The following PAK3 variants were observed in gnomAD, a reference collection of about 807,000 sequenced individuals.
PAK3 encodes p21 (RAC1) activated kinase 3.
PAK3 carries 4 observed loss-of-function variants against 41.0 expected under a neutral mutation model. The observed-to-expected ratio is 0.10, with a 90% CI of 0.05 to 0.22. The LOEUF is 0.22. Among genes scored for constraint, PAK3 ranks in the 10% least tolerant of loss-of-function variants. The probability of loss-of-function intolerance (pLI) is 1.00; values close to 1 mark genes in which losing one functional copy is unlikely to be tolerated. For missense variants in PAK3, 205 were observed against 409.9 expected, an observed-to-expected ratio of 0.50 and a Z score of 4.32; for synonymous variants, 146 against 139.6, an observed-to-expected ratio of 1.05 and a Z score of -0.32.
At chrX:111,126,039 G>A (rs1463010756) in intron 5 of PAK3, among the ~76,000 whole-genome samples, 1 of 111,235 alleles carries the variant, frequency 9.0e-6, no homozygotes, top group Non-Finnish European at 1.9e-5. Flanking sequence ...TATAACTTCA[G>A]GATTCGACTT....
chrX:111,042,979 A>G (rs938308680), intron 1 of PAK3, among the ~76,000 whole-genome samples: 1 of 112,048 alleles, frequency 8.9e-6, no homozygotes, highest in African/African-American at 3.3e-5. Flanking sequence ...AGTAGAGATT[A>G]GTAAACATTC....
intron 1 of PAK3, among the ~76,000 whole-genome samples, chrX:110,966,953 A>G (rs2091094293): frequency 8.9e-6 from 1 of 112,286 alleles, no homozygotes; most frequent in South Asian, 3.8e-4. Context: ...GCCCTGTACT[A>G]GACAGAAATG....
upstream of PAK3, among the ~76,000 whole-genome samples, chrX:111,094,768 A>C (rs2092959362): frequency 1.0e-5 from 1 of 99,353 alleles, no homozygotes; most frequent in Non-Finnish European, 2.0e-5. Flanking sequence ...GGCTCACTGC[A>C]ACCTCCACCT....
chrX:111,191,953 C>CTG (rs897849806), intron 11 of PAK3, among the ~76,000 whole-genome samples, 174 bp from the exon 12 acceptor site: 2 of 109,768 alleles, frequency 1.8e-5, no homozygotes, highest in Non-Finnish European at 3.8e-5. Context: ...GGTAGATCGC[C>CTG]TGTGTTTTTT....
At chrX:111,028,758 G>A (rs1398404776) in intron 1 of PAK3, among the ~76,000 whole-genome samples, 1 of 111,857 alleles carries the variant, frequency 8.9e-6, no homozygotes, top group Admixed American at 9.5e-5. Flanking sequence ...CTGTGGGGAA[G>A]CTACTGTTAT....
intron 1 of PAK3, among the ~76,000 whole-genome samples, chrX:110,975,547 T>C (rs1387427147): frequency 8.9e-6 from 1 of 111,982 alleles, no homozygotes; most frequent in Non-Finnish European, 1.9e-5. Context: ...AAGTAATTTA[T>C]AGATTCAATG....
intron 16 of PAK3, among the ~76,000 whole-genome samples, chrX:111,199,501 G>T (rs767928659): frequency 3.6e-5 from 4 of 111,152 alleles, no homozygotes; most frequent in African/African-American, 1.3e-4. Context: ...ATGGTTAAAT[G>T]ATCAATCTAA....
chrX:110,971,229 C>T (rs764966272), intron 1 of PAK3, among the ~76,000 whole-genome samples: 121 of 112,133 alleles, frequency 1.1e-3, no homozygotes, highest in Middle Eastern at 4.6e-3. Flanking sequence ...TACCCCTTAG[C>T]TGTCACCACC....
chrX:111,115,887 A>C (rs2093455344), intron 4 of PAK3, among the ~76,000 whole-genome samples: 1 of 111,491 alleles, frequency 9.0e-6, no homozygotes, highest in Admixed American at 9.5e-5. Flanking sequence ...GAAATTGGGA[A>C]TAGAGCAAGG....
At chrX:110,997,927 G>A (rs1326049287) in intron 1 of PAK3, among the ~76,000 whole-genome samples, 2 of 111,160 alleles carry the variant, frequency 1.8e-5, no homozygotes, top group Non-Finnish European at 3.8e-5. Context: ...GAGAAAGCGG[G>A]CCCTCACCAG....
intron 5 of PAK3, among the ~76,000 whole-genome samples, chrX:111,124,136 G>A (rs1007403743): frequency 8.9e-6 from 1 of 111,777 alleles, no homozygotes; most frequent in African/African-American, 3.3e-5. Flanking sequence ...CACTTATATA[G>A]TGTTAATCAA....
intron 8 of PAK3, among the ~76,000 whole-genome samples, chrX:111,155,661 A>G (rs1603310675): frequency 1.8e-5 from 2 of 111,383 alleles, no homozygotes; most frequent in East Asian, 5.6e-4. Flanking sequence ...GGTACCAAAT[A>G]GATACTTGGT....
intron 1 of PAK3, among the ~76,000 whole-genome samples, chrX:110,965,345 A>G (rs773697355): frequency 1.3e-4 from 15 of 112,096 alleles, no homozygotes; most frequent in Non-Finnish European, 2.6e-4. Flanking sequence ...CTCCAAACCT[A>G]TTGAGATCTC....
Position 110,970,192 on chromosome X carries a change from C to T in PAK3, c.-28+25564C>T, listed in dbSNP as rs747485668. Among the ~76,000 whole-genome samples the T allele has an allele frequency of 3.6e-5, 4 of 112,151 alleles. No homozygotes were observed. In the East Asian group the frequency reaches 8.4e-4, roughly 24 times the overall value. On this transcript the variant is annotated intron_variant, in intron 1 of 14. Transcript: ENST00000425146. ...CTTTTTTTCAGATGTTTGTTGGCCA[C>T]ATAAATATCTTCCTTTGAGAAGTGT...
intron 1 of PAK3, among the ~76,000 whole-genome samples, chrX:111,012,999 G>C (rs1259830554): frequency 9.0e-6 from 1 of 111,301 alleles, no homozygotes; most frequent in Non-Finnish European, 1.9e-5. Flanking sequence ...TCCCAGGTTG[G>C]GCCGAAGCAA....
intron 1 of PAK3, among the ~76,000 whole-genome samples, chrX:111,073,831 G>T (rs1431737018): frequency 8.9e-6 from 1 of 111,844 alleles, no homozygotes; most frequent in Admixed American, 9.5e-5. Flanking sequence ...TAAGAAGAGG[G>T]AATACTTCCA....
chrX:111,081,779 AGAT>A (rs1410193881), intron 1 of PAK3, among the ~76,000 whole-genome samples: 5 of 111,218 alleles, frequency 4.5e-5, no homozygotes, highest in African/African-American at 1.3e-4. Context: ...TTTTCCTGAC[AGAT>A]GATAGACATT....
chrX:111,141,596 A>G (rs1203534643), intron 5 of PAK3, among the ~76,000 whole-genome samples: 1 of 112,416 alleles, frequency 8.9e-6, no homozygotes, highest in Non-Finnish European at 1.9e-5. Context: ...GAGTCTATTA[A>G]GATATGGTTA....
chrX:111,058,853 G>C (rs1042340084), intron 1 of PAK3, among the ~76,000 whole-genome samples: 5 of 111,611 alleles, frequency 4.5e-5, no homozygotes, highest in Non-Finnish European at 9.4e-5. Flanking sequence ...TAAGACAGTG[G>C]TCAAAATTTA....
Sources: gnomAD v4.1 joint callset for allele counts (sites outside exome capture counted in the v4.1 genomes callset) on GRCh38, gnomAD v4.1.1 for gene constraint, MANE v1.5 for transcripts, NCBI Gene and HGNC (gene_info 2026-07-23, HGNC 2026-07-21) for gene names.